The following CDC27 variants were observed in gnomAD, a reference collection of about 807,000 sequenced individuals.
The protein encoded by CDC27 is cell division cycle protein 27 homolog.
In CDC27, 27 loss-of-function variants were observed where a neutral mutation model predicts 109.7. The observed-to-expected ratio is 0.25, with a 90% CI of 0.18 to 0.34. CDC27 has a LOEUF of 0.34. CDC27 is among the 10% of genes least tolerant of loss of function. The pLI is 1.00. For missense variants in CDC27, 579 were observed against 960.2 expected (o/e 0.60, Z 5.25); for synonymous variants, 266 against 333.9 (o/e 0.80, Z 2.22).
In CDC27 at chr17:47,129,397, T is replaced by C; in HGVS notation, c.2156A>G (p.Tyr719Cys). The change falls in exon 16 of 19, where the codon TAT (tyrosine) becomes TGT (cysteine). Residue 719 changes from tyrosine (Y) to cysteine (C), a missense_variant. Physicochemically the swap from Tyr to Cys is radical, Grantham distance 194. Coordinates refer to ENST00000066544, the MANE Select transcript of CDC27 (RefSeq NM_001256.6). ...CCCTTAAGATATTTATCTTACCTTA[T>C]ATTTTTCATTTGCAAATAAAACTGA... ...RASVLFANEKYKSALQELEEL... is the reference protein window; with the variant it reads ...RASVLFANEKCKSALQELEEL... The C allele has an allele frequency of 6.2e-7, 1 of 1,609,764 alleles. No homozygotes were observed. The highest frequency in any genetic ancestry group is 8.5e-7 in the Non-Finnish European group (1 of 1,176,756).
chr17:47,179,797 C>T lies in CDC27; in HGVS notation c.103+1765G>A, dbSNP rs573546304. ...AGCATTGTATCAGGTACATAAATAA[C>T]GTGGATTAAACAGCTTTATGTGGAC... On this transcript the variant is annotated intron_variant, in intron 2 of 18. Transcript: ENST00000066544. 5.3e-5 allele frequency among the ~76,000 whole-genome samples: 8 copies of T among 152,248 alleles called. No homozygotes were observed. The East Asian group carries it at 7.7e-4, about 15-fold the overall frequency.
chr17:47,156,929 T>A lies in CDC27; in HGVS notation c.826A>T (p.Ser276Cys). ...TTGACTTACCTTGGGGTTAATGGAC[T>A]AAGAGCTGCTGGTCCTCCTAATAAA... The part of the protein sequence containing the change: ...RSLLGGPAAL[S>C]PLTPSFGILP... The change falls in exon 7 of 19, where the codon AGT (serine) becomes TGT (cysteine). Residue 276 changes from serine (S) to cysteine (C), a missense_variant. Transcript: ENST00000066544. 1 of 1,474,318 alleles carries A rather than the reference T, an allele frequency of 6.8e-7. No individual in the cohort carries two copies. Among genetic ancestry groups the A allele is most frequent in the Non-Finnish European group, 9.3e-7 (1 of 1,074,462 alleles). The allele number at this position is 1,474,318 out of a possible 1,614,324, so 91.3% of individuals were successfully genotyped here. A position where few individuals can be genotyped will look rare whatever the true frequency, so the allele number is the denominator to read the frequency against.
At chr17:47,151,600 CT>C (rs2063152194) in intron 9 of CDC27, among the ~76,000 whole-genome samples, 1 of 152,118 alleles carries the variant, frequency 6.6e-6, no homozygotes, top group African/African-American at 2.4e-5. Context: ...TAAAATGCTG[CT>C]TTAGTTAACT....
At chr17:47,154,460 CAA>C (rs2063238963) in intron 8 of CDC27, among the ~76,000 whole-genome samples, 1 of 151,850 alleles carries the variant, frequency 6.6e-6, no homozygotes, top group Non-Finnish European at 1.5e-5. Flanking sequence ...CTTACTTGGC[CAA>C]AAGAGTAAGA....
At chr17:47,136,542 T>C (rs1036239490) in intron 14 of CDC27, among the ~76,000 whole-genome samples, 2 of 152,160 alleles carry the variant, frequency 1.3e-5, no homozygotes, top group African/African-American at 4.8e-5. Context: ...ACAGTAAGTA[T>C]GGTGTTGAGG....
intron 17 of CDC27, among the ~76,000 whole-genome samples, chr17:47,123,416 T>C (rs2062036947): frequency 6.7e-6 from 1 of 150,068 alleles, no homozygotes; most frequent in Non-Finnish European, 1.5e-5. Flanking sequence ...TTTTTTTTTT[T>C]TTTTTTCTTT....
chr17:47,147,429 A>AAAC (rs2063001256), intron 9 of CDC27, among the ~76,000 whole-genome samples: 3 of 79,680 alleles, frequency 3.8e-5, no homozygotes, highest in African/African-American at 1.4e-4. Context: ...ACAAACAAAC[A>AAAC]AAAAAAAAAA....
intron 9 of CDC27, among the ~76,000 whole-genome samples, chr17:47,149,093 A>AG (rs1263695478): frequency 2.0e-5 from 3 of 151,562 alleles, no homozygotes; most frequent in Non-Finnish European, 4.4e-5. Context: ...AAAAAAAAAA[A>AG]AAAGAAAAAG....
chr17:47,121,429 G>C (rs929630400), intron 18 of CDC27, among the ~76,000 whole-genome samples: 1 of 152,088 alleles, frequency 6.6e-6, no homozygotes, highest in African/African-American at 2.4e-5. Flanking sequence ...GGTTTATGGG[G>C]TCAGTCTATC....
chr17:47,166,949 G>A (rs2063666804), intron 4 of CDC27, among the ~76,000 whole-genome samples: 1 of 152,146 alleles, frequency 6.6e-6, no homozygotes, highest in Non-Finnish European at 1.5e-5. Context: ...CTGCCTCCCA[G>A]GTTCAAGCAA....
chr17:47,157,071 T>C lies in CDC27; in HGVS notation c.684A>G (p.Thr228=). 1.3e-6 allele frequency: 2 copies of C among 1,598,252 alleles called. No individual in the cohort carries two copies. Among genetic ancestry groups the C allele is most frequent in the Non-Finnish European group, 1.7e-6 (2 of 1,170,774 alleles). ...ESSNSKYSLN[T]DSSVSYIDSA... The stretch of plus-strand genomic sequence containing the variant: ...AATCAATATAAGACACTGAGGAATC[T>C]GTATTCAAGGAGTACTTTGAATTGG... The change falls in exon 7 of 19, where the codon ACA becomes ACG. Residue 228 remains threonine (T), a synonymous_variant. Transcript: ENST00000066544.
chr17:47,139,266 CTTT>C (rs758367976), intron 12 of CDC27, among the ~76,000 whole-genome samples: 7 of 137,874 alleles, frequency 5.1e-5, no homozygotes, highest in Admixed American at 7.3e-5. Context: ...CAGAATAACT[CTTT>C]TTTTTTTTTT....
At position 47,129,462 on chromosome 17, in the gene CDC27, G is replaced by A; in HGVS notation, c.2091C>T (p.Val697=). ...KALDTLNKAI[V]IDPKNPLCKF... ...TGCATAGAGGGTTCTTGGGATCAAT[G>A]ACAATGGCTTTGTTTAGGGTATCCA... The change falls in exon 16 of 19, where the codon GTC becomes GTT. Residue 697 remains valine, a synonymous_variant. Transcript: ENST00000066544. 1.2e-6 allele frequency: 2 copies of A among 1,609,208 alleles called. No homozygotes were observed. The highest frequency in any genetic ancestry group is 1.1e-5 in the South Asian group (1 of 90,952).
At chr17:47,176,398 A>G (rs1287187978) in intron 2 of CDC27, among the ~76,000 whole-genome samples, 1 of 152,172 alleles carries the variant, frequency 6.6e-6, no homozygotes, top group African/African-American at 2.4e-5. Flanking sequence ...ATTTATTTAC[A>G]TCCTGCATTT....
intron 17 of CDC27, among the ~76,000 whole-genome samples, chr17:47,123,103 T>G (rs1005371424): frequency 6.6e-6 from 1 of 152,214 alleles, no homozygotes; most frequent in African/African-American, 2.4e-5. Flanking sequence ...AATCAGACAT[T>G]ATTTTCAGAA....
At position 47,120,105 on chromosome 17, in the gene CDC27, G is replaced by A. The variant is rs1019233637; in HGVS notation, c.*830C>T. ...CTGATTCATATGGTGAACTTAAGGG[G>A]TTATTAAGGGCCTTGTTTTGGCTTC... On this transcript the variant is annotated 3_prime_UTR_variant, in exon 19 of 19. Coordinates refer to ENST00000066544, the MANE Select transcript of CDC27 (RefSeq NM_001256.6). 2.0e-5 allele frequency: 3 copies of A among 152,114 alleles called. No individual in the cohort carries two copies. The highest frequency in any genetic ancestry group is 4.4e-5 in the Non-Finnish European group (3 of 68,004). The allele number at this position is 152,114 out of a possible 1,614,324, so 9.4% of individuals were successfully genotyped here. A position where few individuals can be genotyped will look rare whatever the true frequency, so the allele number is the denominator to read the frequency against.
At chr17:47,156,146 AT>A (rs967983512) in intron 7 of CDC27, among the ~76,000 whole-genome samples, 4 of 149,440 alleles carry the variant, frequency 2.7e-5, no homozygotes, top group South Asian at 2.1e-4. Context: ...TTTTCCTCCA[AT>A]TTTTTTTTTG....
intron 2 of CDC27, among the ~76,000 whole-genome samples, chr17:47,172,948 T>A (rs937986464): frequency 1.3e-5 from 2 of 152,228 alleles, no homozygotes; most frequent in African/African-American, 4.8e-5. Context: ...GTGGTCCTTG[T>A]ACCAGTATCA....
intron 1 of CDC27, among the ~76,000 whole-genome samples, chr17:47,185,563 T>C (rs772760925): frequency 2.0e-5 from 3 of 152,218 alleles, no homozygotes; most frequent in Non-Finnish European, 2.9e-5. Flanking sequence ...TTTTTATACA[T>C]TTTGTGTTCT....
Sources: gnomAD v4.1 joint callset for allele counts (sites outside exome capture counted in the v4.1 genomes callset) on GRCh38, gnomAD v4.1.1 for gene constraint, MANE v1.5 for transcripts, NCBI Gene and HGNC (gene_info 2026-07-23, HGNC 2026-07-21) for gene names.